Variants in VWC2L observed in about 807,000 individuals in gnomAD.
VWC2L encodes von Willebrand factor C domain-containing protein 2-like.
In VWC2L, 10 loss-of-function variants were observed where a neutral mutation model predicts 21.6. The observed-to-expected ratio is 0.46, with a 90% confidence interval of 0.29 to 0.78. The LOEUF (loss-of-function observed/expected upper bound fraction) is 0.78, where lower values mean the gene tolerates loss of function less well. Among genes scored for constraint, VWC2L ranks in the 30% least tolerant of loss-of-function variants. The pLI, the probability that VWC2L is intolerant of heterozygous loss-of-function variation, is 0.10. For missense variants in VWC2L, 209 were observed against 277.1 expected, an observed-to-expected ratio of 0.75 and a Z score of 1.74; for synonymous variants, 96 against 94.3, an observed-to-expected ratio of 1.02 and a Z score of -0.10.
intron 3 of VWC2L, among the ~76,000 whole-genome samples, chr2:214,542,032 T>C (rs992167697): frequency 2.6e-5 from 4 of 151,950 alleles, no homozygotes; most frequent in African/African-American, 4.8e-5. Context: ...GTGGATGAGG[T>C]CATTCATTAT....
intron 2 of VWC2L, among the ~76,000 whole-genome samples, chr2:214,434,519 C>T (rs563338549): frequency 6.6e-6 from 1 of 152,252 alleles, no homozygotes; most frequent in East Asian, 1.9e-4. Context: ...TACCAAGTGG[C>T]AGTCCATTAT....
chr2:214,436,564 C>G, intron 2 of VWC2L, 65 bp from the exon 3 acceptor site: 1 of 1,573,180 alleles, frequency 6.4e-7, no homozygotes, highest in Non-Finnish European at 8.7e-7. Context: ...TGTCTTCTGA[C>G]AGCATATGAA....
At chr2:214,496,304 A>C (rs1415519386) in intron 3 of VWC2L, among the ~76,000 whole-genome samples, 5 of 134,808 alleles carry the variant, frequency 3.7e-5, no homozygotes, top group Admixed American at 7.8e-5. Context: ...GTGGCACATG[A>C]GTATATTTGA....
At chr2:214,476,482 G>A (rs889826250) in intron 3 of VWC2L, among the ~76,000 whole-genome samples, 6 of 152,098 alleles carry the variant, frequency 3.9e-5, no homozygotes, top group Non-Finnish European at 8.8e-5. Context: ...GTGGGGGTTG[G>A]GGGGCATATT....
chr2:214,548,185 A>C (rs1689739345), intron 3 of VWC2L, among the ~76,000 whole-genome samples: 1 of 152,192 alleles, frequency 6.6e-6, no homozygotes, highest in South Asian at 2.1e-4. Context: ...CTACCAAAGC[A>C]ATTGCTAGTG....
chr2:214,545,140 C>T (rs994823473), intron 3 of VWC2L, among the ~76,000 whole-genome samples: 3 of 151,600 alleles, frequency 2.0e-5, no homozygotes, highest in Non-Finnish European at 4.4e-5. Context: ...TATAAAACTT[C>T]GAAGGATTAT....
intron 3 of VWC2L, among the ~76,000 whole-genome samples, chr2:214,489,587 G>C (rs1574593644): frequency 6.6e-6 from 1 of 152,214 alleles, no homozygotes; most frequent in Non-Finnish European, 1.5e-5. Context: ...TTGATGTTGA[G>C]ATTTCTGGCT....
intron 3 of VWC2L, among the ~76,000 whole-genome samples, chr2:214,486,654 C>T (rs1172750635): frequency 2.6e-5 from 4 of 152,084 alleles, no homozygotes; most frequent in African/African-American, 9.7e-5. Context: ...AAGAATGTTG[C>T]CCGTACACTC....
At chr2:214,535,977 T>C (rs1359033727) in intron 3 of VWC2L, among the ~76,000 whole-genome samples, 1 of 152,080 alleles carries the variant, frequency 6.6e-6, no homozygotes, top group Non-Finnish European at 1.5e-5. Flanking sequence ...AGTCCTGCTG[T>C]TACACCCATT....
chr2:214,485,690 C>T (rs1447277178), intron 3 of VWC2L, among the ~76,000 whole-genome samples: 1 of 152,132 alleles, frequency 6.6e-6, no homozygotes, highest in Non-Finnish European at 1.5e-5. Context: ...TGTGCTCACA[C>T]TACCTGACAT....
chr2:214,542,440 G>A (rs531114246), intron 3 of VWC2L, among the ~76,000 whole-genome samples: 12 of 152,276 alleles, frequency 7.9e-5, no homozygotes, highest in Admixed American at 4.6e-4. Flanking sequence ...GTCCTAACAC[G>A]GAGGTGGGAG....
chr2:214,469,171 T>A (rs538982597), intron 3 of VWC2L, among the ~76,000 whole-genome samples: 1 of 152,232 alleles, frequency 6.6e-6, no homozygotes, highest in African/African-American at 2.4e-5. Context: ...TAAAAGAACG[T>A]TCCATACATA....
intron 3 of VWC2L, among the ~76,000 whole-genome samples, chr2:214,464,971 C>T (rs528454610): frequency 2.0e-5 from 3 of 152,262 alleles, no homozygotes; most frequent in East Asian, 3.9e-4. Flanking sequence ...CACTCAAGGT[C>T]CAAGGGCTTT....
At chr2:214,556,014 T>G (rs568889386) in intron 3 of VWC2L, among the ~76,000 whole-genome samples, 1 of 152,208 alleles carries the variant, frequency 6.6e-6, no homozygotes. Flanking sequence ...CCTCCAAGTG[T>G]GTTCACCAGC....
At chr2:214,526,022 A>G (rs944525246) in intron 3 of VWC2L, among the ~76,000 whole-genome samples, 12 of 151,778 alleles carry the variant, frequency 7.9e-5, no homozygotes, top group African/African-American at 4.8e-5. Context: ...TAAGTACCCA[A>G]TAAGTATTAG....
At chr2:214,556,590 T>C (rs1363416175) in intron 3 of VWC2L, among the ~76,000 whole-genome samples, 1 of 152,196 alleles carries the variant, frequency 6.6e-6, no homozygotes, top group Admixed American at 6.6e-5. Context: ...AAATTCCTTA[T>C]GAGTTGGGTG....
chr2:214,491,519 GC>G (rs1041862494), intron 3 of VWC2L, among the ~76,000 whole-genome samples: 6 of 152,162 alleles, frequency 3.9e-5, no homozygotes, highest in African/African-American at 1.4e-4. Context: ...AGAATAAAGT[GC>G]TTGTGCTTTT....
chr2:214,458,716 G>A (rs947708704), intron 3 of VWC2L, among the ~76,000 whole-genome samples: 2 of 151,978 alleles, frequency 1.3e-5, no homozygotes, highest in South Asian at 4.1e-4. Flanking sequence ...TAACTTTGAT[G>A]TATTTGTACA....
intron 3 of VWC2L, among the ~76,000 whole-genome samples, chr2:214,501,321 C>T (rs1245476979): frequency 6.6e-6 from 1 of 152,192 alleles, no homozygotes; most frequent in Admixed American, 6.5e-5. Flanking sequence ...AGGAAGTGTT[C>T]TCTCCAGCTC....
Sources: gnomAD v4.1 joint callset for allele counts (sites outside exome capture counted in the v4.1 genomes callset) on GRCh38, gnomAD v4.1.1 for gene constraint, MANE v1.5 for transcripts, NCBI Gene and HGNC (gene_info 2026-07-23, HGNC 2026-07-21) for gene names.